TF: variants seen among roughly 807,000 people sequenced by gnomAD.
TF encodes serotransferrin.
Under a neutral mutation model 82.4 loss-of-function variants are expected in TF, and 55 were observed. The ratio of observed to expected loss-of-function variants is 0.67; its 90% confidence interval spans 0.54 to 0.84. The LOEUF (loss-of-function observed/expected upper bound fraction) is 0.84, where lower values mean the gene tolerates loss of function less well. Ranked by LOEUF, TF falls within the 40% of genes least tolerant of loss-of-function variation. The pLI is 0.00. For missense variants in TF, 737 were observed against 868.4 expected (o/e 0.85, Z 1.90); for synonymous variants, 332 against 332.6 (o/e 1.00, Z 0.02).
intron 7 of TF, 108 bp from the exon 8 acceptor site, chr3:133,757,661 T>TG (rs1441639876): frequency 8.8e-7 from 1 of 1,132,236 alleles, no homozygotes; most frequent in African/African-American, 1.5e-5. Context: ...CCTGGCATCT[T>TG]GAACTTTTTC....
chr3:133,710,105 C>T, the TF span: 9 of 152,758 alleles, frequency 5.9e-5, no homozygotes, highest in Admixed American at 4.6e-4. Flanking sequence ...CAAGTACTAG[C>T]AAGGCCTGAC....
rs530888228 is a variant in TF, at chr3:133,755,569, C to T, written c.635+74C>T. ...TCAGGGTGAGAGTTCTTTGCTGGTC[C>T]AAAGCCGAGCCCTGCCTGCCTACAG... On this transcript the variant is annotated intron_variant, in intron 5 of 16. Transcript: ENST00000402696. The T allele has an allele frequency of 8.9e-4, 1,429 of 1,598,276 alleles. 2 individuals are homozygous for T. The highest frequency in any genetic ancestry group is 1.1e-3 in the Non-Finnish European group (1,294 of 1,173,804).
chr3:133,728,265 A>T, the TF span, among the ~76,000 whole-genome samples: 1 of 152,122 alleles, frequency 6.6e-6, no homozygotes, highest in Non-Finnish European at 1.5e-5. Flanking sequence ...ACTTGGTTCC[A>T]TTCTCCCCGT....
chr3:133,740,327 C>T, the TF span, among the ~76,000 whole-genome samples: 1 of 152,136 alleles, frequency 6.6e-6, no homozygotes, highest in South Asian at 2.1e-4. Context: ...ACACTGGGGC[C>T]TCTCAGGGGG....
the TF span, among the ~76,000 whole-genome samples, chr3:133,673,948 A>G: frequency 1.3e-5 from 2 of 152,174 alleles, no homozygotes; most frequent in Non-Finnish European, 2.9e-5. Flanking sequence ...CTCTGGGTTC[A>G]GCGCTTCACC....
chr3:133,677,128 C>T, the TF span, among the ~76,000 whole-genome samples: 2 of 152,260 alleles, frequency 1.3e-5, no homozygotes, highest in South Asian at 2.1e-4. Flanking sequence ...CCTTGGCCTC[C>T]ACCTCCTTTC....
the TF span, among the ~76,000 whole-genome samples, chr3:133,714,125 G>GT: frequency 6.6e-6 from 1 of 152,170 alleles, no homozygotes; most frequent in African/African-American, 2.4e-5. Context: ...TAGGATGAAG[G>GT]AACAGCAAGC....
At chr3:133,736,998 C>T in the TF span, among the ~76,000 whole-genome samples, 4 of 152,138 alleles carry the variant, frequency 2.6e-5, no homozygotes, top group African/African-American at 9.7e-5. Flanking sequence ...CTCTCCACCC[C>T]AAATCAATAG....
chr3:133,775,306 C>T (rs1354687605), intron 14 of TF, 127 bp from the exon 15 acceptor site: 1 of 914,790 alleles, frequency 1.1e-6, no homozygotes, highest in Non-Finnish European at 1.8e-6. Flanking sequence ...ATCACTGTAA[C>T]CCCAGTGTGG....
At chr3:133,662,823 A>C in the TF span, among the ~76,000 whole-genome samples, 1 of 152,236 alleles carries the variant, frequency 6.6e-6, no homozygotes, top group Admixed American at 6.5e-5. Flanking sequence ...GAGATTGAGA[A>C]AATGACTTTG....
the TF span, among the ~76,000 whole-genome samples, chr3:133,667,218 G>A: frequency 1.3e-5 from 2 of 151,904 alleles, no homozygotes; most frequent in Non-Finnish European, 2.9e-5. Flanking sequence ...TTAACTGAGT[G>A]TGGAGGACAC....
intron 16 of TF, 25 bp from the exon 17 acceptor site, chr3:133,778,561 C>T (rs748486200): frequency 1.2e-6 from 2 of 1,611,946 alleles, no homozygotes. Flanking sequence ...TTTTGAAAAT[C>T]CTACCTCTCT....
upstream of TF, among the ~76,000 whole-genome samples, chr3:133,741,847 G>C (rs556110967): frequency 3.3e-5 from 5 of 152,248 alleles, no homozygotes; most frequent in Admixed American, 3.3e-4. Context: ...TTTTGCATCT[G>C]AGTTCATAGA....
At chr3:133,679,000 G>A in the TF span, among the ~76,000 whole-genome samples, 2 of 152,080 alleles carry the variant, frequency 1.3e-5, no homozygotes, top group African/African-American at 4.8e-5. Context: ...AGCCTCCTGA[G>A]TAGCTGGGAT....
chr3:133,664,830 G>A, the TF span: 1 of 152,040 alleles, frequency 6.6e-6, no homozygotes, highest in Non-Finnish European at 1.5e-5. Flanking sequence ...GGAACCCACA[G>A]ATACAAGGAA....
chr3:133,685,191 A>G, the TF span, among the ~76,000 whole-genome samples: 41,098 of 152,138 alleles, frequency 0.27, 5,854 homozygotes, highest in East Asian at 0.48. Flanking sequence ...TTAGGTATTA[A>G]TGGGACGTAT....
In TF at chr3:133,758,075, A is replaced by C. The variant is rs533690480; in HGVS notation, c.1048+129A>C. ...TGCTCCTTTTTCTGACCTGTCTGTG[A>C]GCCCAGTGTTAGACTGATGCTGAAT... On this transcript the variant is annotated intron_variant, in intron 8 of 16. Coordinates refer to ENST00000402696, the MANE Select transcript of TF (RefSeq NM_001063.4). 36 of 853,166 alleles carry C rather than the reference A, an allele frequency of 4.2e-5. No individual in the cohort carries two copies. In the African/African-American group the frequency reaches 5.6e-4, roughly 13 times the overall value. 52.8% of individuals were successfully genotyped at this position (853,166 alleles called of 1,614,324 possible). A position where few individuals can be genotyped will look rare whatever the true frequency, so the allele number is the denominator to read the frequency against.
intron 9 of TF, chr3:133,760,903 A>T (rs1933976921): frequency 6.6e-6 from 1 of 152,650 alleles, no homozygotes; most frequent in Non-Finnish European, 1.5e-5. Context: ...TTAATGAAAC[A>T]AAAGTAACTA....
chr3:133,775,352 A>G, intron 14 of TF, 81 bp from the exon 15 acceptor site: 1 of 1,463,898 alleles, frequency 6.8e-7, no homozygotes, highest in Non-Finnish European at 9.6e-7. Context: ...GGTTCTCTAC[A>G]CACCACTGAG....
Sources: allele counts gnomAD v4.1 joint callset (sites outside exome capture counted in the v4.1 genomes callset), GRCh38; gene constraint gnomAD v4.1.1; transcripts MANE v1.5; gene names NCBI Gene and HGNC (gene_info 2026-07-23, HGNC 2026-07-21).